The following PDE1A variants were observed in gnomAD, a reference collection of about 807,000 sequenced individuals.
PDE1A encodes phosphodiesterase 1A, also known as dual specificity calcium/calmodulin-dependent 3',5'-cyclic nucleotide phosphodiesterase 1A.
In PDE1A, 35 loss-of-function variants were observed where a neutral mutation model predicts 61.7. That is an observed-to-expected ratio of 0.57 (90% CI 0.43 to 0.75). The LOEUF (loss-of-function observed/expected upper bound fraction) is 0.75, where lower values mean the gene tolerates loss of function less well. Ranked by LOEUF, PDE1A falls within the 30% of genes least tolerant of loss-of-function variation. PDE1A has a pLI of 0.00. For synonymous variants in PDE1A, 232 were observed against 213.2 expected, an observed-to-expected ratio of 1.09 and a Z score of -0.77; for missense variants, 597 against 630.6, an observed-to-expected ratio of 0.95 and a Z score of 0.57.
intron 1 of PDE1A, among the ~76,000 whole-genome samples, chr2:182,268,696 C>G (rs1355696246): frequency 1.3e-5 from 2 of 152,104 alleles, no homozygotes; most frequent in African/African-American, 4.8e-5. Context: ...TCTTGCTGAA[C>G]TCTCTTTCTC....
At chr2:182,387,389 G>A (rs1203815635) in intron 1 of PDE1A, among the ~76,000 whole-genome samples, 4 of 149,954 alleles carry the variant, frequency 2.7e-5, no homozygotes, top group Non-Finnish European at 5.9e-5. Flanking sequence ...ATCCCCCTCT[G>A]CCAGAAACAC....
At chr2:182,186,430 C>A in intron 12 of PDE1A, 38 bp downstream of exon 12, 1 of 1,602,484 alleles carries the variant, frequency 6.2e-7, no homozygotes, top group Non-Finnish European at 8.5e-7. Context: ...CTAAACACCA[C>A]AAAGATGAAA....
exon 1 of PDE1A, chr2:182,426,792 G>T (rs902221392): frequency 2.3e-5 from 34 of 1,450,472 alleles, no homozygotes; most frequent in Non-Finnish European, 3.1e-5. Flanking sequence ...CCTGTTCTCT[G>T]CCAGCTGAGC....
At chr2:182,653,530 T>C in the PDE1A span, among the ~76,000 whole-genome samples, 69 of 152,324 alleles carry the variant, frequency 4.5e-4, no homozygotes, top group African/African-American at 1.6e-3. Context: ...ATATTGCTTT[T>C]GTAAATCATA....
the PDE1A span, among the ~76,000 whole-genome samples, chr2:182,661,401 T>C: frequency 6.6e-6 from 1 of 152,172 alleles, no homozygotes; most frequent in South Asian, 2.1e-4. Context: ...GCACCTTCTA[T>C]ATATCAGATA....
the PDE1A span, among the ~76,000 whole-genome samples, chr2:182,532,715 T>C: frequency 1.3e-5 from 2 of 152,186 alleles, no homozygotes; most frequent in East Asian, 1.9e-4. Flanking sequence ...CCCAGCACTT[T>C]GGGAGGCCGA....
the PDE1A span, among the ~76,000 whole-genome samples, chr2:182,668,327 G>A: frequency 6.6e-6 from 1 of 152,210 alleles, no homozygotes; most frequent in South Asian, 2.1e-4. Flanking sequence ...ACAAATGGTA[G>A]GAACCATGGA....
intron 1 of PDE1A, among the ~76,000 whole-genome samples, chr2:182,315,893 A>T (rs1016073477): frequency 6.6e-6 from 1 of 152,218 alleles, no homozygotes; most frequent in Non-Finnish European, 1.5e-5. Flanking sequence ...AAGAAAGAGC[A>T]TCTCCTGGCA....
chr2:182,694,107 T>C, the PDE1A span, among the ~76,000 whole-genome samples: 1 of 152,226 alleles, frequency 6.6e-6, no homozygotes, highest in East Asian at 1.9e-4. Context: ...ATTTTCTTCT[T>C]AGATAGATAT....
chr2:182,488,844 C>T (rs115077970), intron 2 of PDE1A, among the ~76,000 whole-genome samples: 1,783 of 152,194 alleles, frequency 0.012, 37 homozygotes, highest in African/African-American at 0.04. Flanking sequence ...TGCTATTTGT[C>T]CAGTCAACGA....
At chr2:182,304,011 C>T (rs1024827292) in intron 1 of PDE1A, among the ~76,000 whole-genome samples, 1 of 152,000 alleles carries the variant, frequency 6.6e-6, no homozygotes, top group Non-Finnish European at 1.5e-5. Context: ...GGTGATTCTC[C>T]TGCCTCAGCC....
At chr2:182,296,128 C>G (rs749468731) in intron 1 of PDE1A, among the ~76,000 whole-genome samples, 3 of 152,110 alleles carry the variant, frequency 2.0e-5, no homozygotes, top group Non-Finnish European at 2.9e-5. Flanking sequence ...AATGTAGGCA[C>G]GTGTAACGCA....
chr2:182,184,394 A>C (rs140946655), intron 13 of PDE1A, among the ~76,000 whole-genome samples: 1 of 152,290 alleles, frequency 6.6e-6, no homozygotes, highest in African/African-American at 2.4e-5. Flanking sequence ...GGCCAACACT[A>C]TCAGAAACTA....
chr2:182,233,814 C>T (rs1446230492), intron 4 of PDE1A, among the ~76,000 whole-genome samples: 1 of 138,908 alleles, frequency 7.2e-6, no homozygotes, highest in African/African-American at 2.7e-5. Flanking sequence ...CACACACACA[C>T]AATGAGGCAA....
the PDE1A span, among the ~76,000 whole-genome samples, chr2:182,686,698 A>G: frequency 2.0e-5 from 3 of 152,188 alleles, no homozygotes; most frequent in Non-Finnish European, 4.4e-5. Context: ...CAGTGGGTGC[A>G]GTGCACCGAG....
intron 2 of PDE1A, among the ~76,000 whole-genome samples, chr2:182,485,961 A>G (rs894113050): frequency 2.0e-5 from 3 of 152,002 alleles, no homozygotes; most frequent in African/African-American, 7.2e-5. Context: ...TACCCACTAC[A>G]CTTAGACAAA....
the PDE1A span, among the ~76,000 whole-genome samples, chr2:182,630,337 C>T: frequency 3.0e-4 from 46 of 152,254 alleles, no homozygotes; most frequent in Admixed American, 2.9e-3. Flanking sequence ...GCCAATTGGG[C>T]TAACACCATA....
intron 1 of PDE1A, among the ~76,000 whole-genome samples, chr2:182,310,283 TA>T (rs1220184729): frequency 3.3e-5 from 5 of 152,156 alleles, no homozygotes; most frequent in Admixed American, 3.3e-4. Flanking sequence ...CCTTTATAGT[TA>T]ATAACTTATT....
At chr2:182,269,143 C>T (rs1574206289) in intron 1 of PDE1A, among the ~76,000 whole-genome samples, 1 of 152,154 alleles carries the variant, frequency 6.6e-6, no homozygotes, top group East Asian at 1.9e-4. Context: ...TCTTAAAAGA[C>T]ACAAACTAAC....
Sources: allele counts gnomAD v4.1 joint callset (sites outside exome capture counted in the v4.1 genomes callset), GRCh38; gene constraint gnomAD v4.1.1; transcripts MANE v1.5; gene names NCBI Gene and HGNC (gene_info 2026-07-23, HGNC 2026-07-21).